Variants in GPC5 observed in about 807,000 individuals in gnomAD.
GPC5 encodes the protein glypican 5, also known as glypican-5.
Under a neutral mutation model 53.9 loss-of-function variants are expected in GPC5, and 47 were observed. The observed-to-expected ratio is 0.87, with a 90% CI of 0.69 to 1.11. GPC5 has a LOEUF of 1.11. GPC5 is among the 50% of genes most tolerant of loss of function. GPC5 has a pLI of 0.00. For missense variants in GPC5, 748 were observed against 713.1 expected (o/e 1.05, Z -0.56); for synonymous variants, 286 against 263.3 (o/e 1.09, Z -0.84).
chr13:92,432,198 A>G (rs1877119270), intron 7 of GPC5, among the ~76,000 whole-genome samples: 1 of 152,188 alleles, frequency 6.6e-6, no homozygotes, highest in Non-Finnish European at 1.5e-5. Context: ...GGAAGAGAGC[A>G]TCACCAGAAA....
At chr13:92,536,511 C>G (rs1030740698) in intron 7 of GPC5, among the ~76,000 whole-genome samples, 1 of 152,018 alleles carries the variant, frequency 6.6e-6, no homozygotes, top group African/African-American at 2.4e-5. Flanking sequence ...ATACAGGTGG[C>G]GCTGAGAAAA....
At chr13:91,875,333 C>T (rs766841569) in intron 5 of GPC5, among the ~76,000 whole-genome samples, 2 of 152,104 alleles carry the variant, frequency 1.3e-5, no homozygotes, top group African/African-American at 2.4e-5. Context: ...CTTTAAAACA[C>T]GTTAGGTACT....
chr13:91,759,706 A>AT (rs151291924), intron 5 of GPC5, among the ~76,000 whole-genome samples: 17,621 of 150,460 alleles, frequency 0.12, 1,175 homozygotes, highest in East Asian at 0.33. Flanking sequence ...TTAGAATGAG[A>AT]TTTTTTTTTT....
intron 2 of GPC5, among the ~76,000 whole-genome samples, chr13:91,687,661 A>T (rs543508167): frequency 3.9e-5 from 6 of 152,162 alleles, no homozygotes; most frequent in African/African-American, 1.2e-4. Flanking sequence ...GAAAACTGGA[A>T]ATTATTCTGT....
chr13:92,126,817 A>AGT (rs71120073), intron 6 of GPC5, among the ~76,000 whole-genome samples: 108,350 of 149,922 alleles, frequency 0.72, 40,719 homozygotes, highest in East Asian at 0.99. Context: ...GAAAAGTTGG[A>AGT]GTGTGTGTGT....
intron 5 of GPC5, among the ~76,000 whole-genome samples, chr13:91,870,052 T>C (rs1225816152): frequency 6.6e-6 from 1 of 152,222 alleles, no homozygotes; most frequent in Non-Finnish European, 1.5e-5. Flanking sequence ...AACATGACTT[T>C]GTGAGAATGA....
chr13:92,002,855 C>T (rs908206513), intron 6 of GPC5, among the ~76,000 whole-genome samples: 1 of 152,230 alleles, frequency 6.6e-6, no homozygotes, highest in Non-Finnish European at 1.5e-5. Context: ...CCTGTGCCAG[C>T]ACTCTGCTGT....
chr13:91,572,192 C>CATATGTATATATATGTGTATGTATAT lies in GPC5; in HGVS notation c.326-120994_326-120993insTATGTATATATATGTGTATGTATATA, dbSNP rs1566517518. ...ATATGTATATATACGTGTGTATACA[C>CATATGTATATATATGTGTATGTATAT]ACACATATGTATATATACGTGTATA... On this transcript the variant is annotated intron_variant, in intron 2 of 7. Coordinates refer to ENST00000377067, the MANE Select transcript of GPC5 (RefSeq NM_004466.6). 3.6e-5 allele frequency among the ~76,000 whole-genome samples: 4 copies of CATATGTATATATATGTGTATGTATAT among 110,316 alleles called. 1 individual carries two copies. Among genetic ancestry groups the CATATGTATATATATGTGTATGTATAT allele is most frequent in the Admixed American group, 2.5e-4 (3 of 12,060 alleles). 72.4% of individuals were successfully genotyped at this position (110,316 alleles called of 152,430 possible).
At chr13:92,082,007 TG>T (rs2041299687) in intron 6 of GPC5, among the ~76,000 whole-genome samples, 1 of 152,086 alleles carries the variant, frequency 6.6e-6, no homozygotes, top group Non-Finnish European at 1.5e-5. Context: ...AGGAGGAATG[TG>T]AGTGAGTATT....
chr13:91,663,651 A>G (rs1431837119), intron 2 of GPC5, among the ~76,000 whole-genome samples: 1 of 151,494 alleles, frequency 6.6e-6, no homozygotes, highest in African/African-American at 2.4e-5. Flanking sequence ...TTTTGTAAAG[A>G]CTGGGTCTCA....
chr13:92,063,383 G>A (rs887973264), intron 6 of GPC5, among the ~76,000 whole-genome samples: 1 of 151,950 alleles, frequency 6.6e-6, no homozygotes, highest in African/African-American at 2.4e-5. Context: ...AGTATAATAG[G>A]TCCCACTAAG....
intron 7 of GPC5, among the ~76,000 whole-genome samples, chr13:92,483,866 A>G (rs1238582316): frequency 6.6e-6 from 1 of 151,782 alleles, no homozygotes; most frequent in Non-Finnish European, 1.5e-5. Flanking sequence ...TGTGGTTCAT[A>G]TCTGTAATCC....
chr13:91,530,744 G>A (rs1025554561), intron 2 of GPC5, among the ~76,000 whole-genome samples: 2 of 152,158 alleles, frequency 1.3e-5, no homozygotes, highest in East Asian at 1.9e-4. Context: ...CCAAGGGAGC[G>A]AGATATTGGA....
chr13:92,239,405 A>G (rs2042593397), intron 7 of GPC5, among the ~76,000 whole-genome samples: 1 of 152,014 alleles, frequency 6.6e-6, no homozygotes, highest in Admixed American at 6.6e-5. Context: ...ATGCAAAATC[A>G]TTCAGTGAAT....
chr13:92,196,711 C>G (rs1229816808), intron 7 of GPC5, among the ~76,000 whole-genome samples: 1 of 152,172 alleles, frequency 6.6e-6, no homozygotes, highest in Non-Finnish European at 1.5e-5. Context: ...ACATCAAAAG[C>G]TGTAACTCTG....
intron 2 of GPC5, among the ~76,000 whole-genome samples, chr13:91,646,481 C>A (rs1322609514): frequency 1.3e-5 from 2 of 151,234 alleles, no homozygotes; most frequent in Non-Finnish European, 1.5e-5. Flanking sequence ...ATTTAGATAC[C>A]TATCCAAAAT....
At chr13:92,452,577 A>AT (rs1878106207) in intron 7 of GPC5, among the ~76,000 whole-genome samples, 1 of 125,688 alleles carries the variant, frequency 8.0e-6, no homozygotes, top group Non-Finnish European at 1.7e-5. Flanking sequence ...TCCAAAAAAA[A>AT]CAAAAAAAAC....
At chr13:92,238,459 T>C (rs1566498891) in intron 7 of GPC5, among the ~76,000 whole-genome samples, 1 of 152,096 alleles carries the variant, frequency 6.6e-6, no homozygotes, top group Non-Finnish European at 1.5e-5. Context: ...TGGCCAGTGA[T>C]GTTAATTGTT....
chr13:92,681,696 A>C (rs1887116204), intron 7 of GPC5, among the ~76,000 whole-genome samples: 1 of 151,988 alleles, frequency 6.6e-6, no homozygotes. Context: ...CTCTCTACCA[A>C]ATACTCCACC....
Sources: allele counts gnomAD v4.1 joint callset (sites outside exome capture counted in the v4.1 genomes callset), GRCh38; gene constraint gnomAD v4.1.1; transcripts MANE v1.5; gene names NCBI Gene and HGNC (gene_info 2026-07-23, HGNC 2026-07-21).